The following SLC4A10 variants were observed in gnomAD, a reference collection of about 807,000 sequenced individuals.
SLC4A10 encodes the protein solute carrier family 4 member 10.
Under a neutral mutation model 137.7 loss-of-function variants are expected in SLC4A10, and 42 were observed. The observed-to-expected ratio is 0.30, with a 90% confidence interval of 0.24 to 0.39. The LOEUF (loss-of-function observed/expected upper bound fraction) is 0.39, where lower values mean the gene tolerates loss of function less well. Among genes scored for constraint, SLC4A10 ranks in the 10% least tolerant of loss-of-function variants. The pLI, the probability that SLC4A10 is intolerant of heterozygous loss-of-function variation, is 1.00. For missense variants in SLC4A10, 925 were observed against 1,355.0 expected, an observed-to-expected ratio of 0.68 and a Z score of 4.98; for synonymous variants, 474 against 464.1, an observed-to-expected ratio of 1.02 and a Z score of -0.27.
In SLC4A10 at chr2:161,696,486, T is replaced by G. The variant is rs1362481581; in HGVS notation, c.48+71920T>G. Reference sequence around the variant, plus strand: ...CCACCCCACAACAGTCCCCAGAGTGTGATGTTCCCCTTCCTGTGTCCATGT... The same window carrying G: ...CCACCCCACAACAGTCCCCAGAGTGGGATGTTCCCCTTCCTGTGTCCATGT... On this transcript the variant is annotated intron_variant, in intron 1 of 26. Coordinates refer to ENST00000446997, the MANE Select transcript of SLC4A10 (RefSeq NM_001178015.2). Among the ~76,000 whole-genome samples the G allele has an allele frequency of 8.3e-5, 9 of 108,586 alleles. No homozygotes were observed. In the South Asian group the frequency reaches 2.0e-3, roughly 25 times the overall value. The allele number at this position is 108,586 out of a possible 152,430, so 71.2% of individuals were successfully genotyped here.
chr2:161,669,908 A>G (rs971885868), intron 1 of SLC4A10, among the ~76,000 whole-genome samples: 1 of 152,088 alleles, frequency 6.6e-6, no homozygotes, highest in Non-Finnish European at 1.5e-5. Context: ...TTCTGCAAAG[A>G]CTAAAGAAAA....
chr2:161,978,333 G>C (rs1699708777), intron 26 of SLC4A10, among the ~76,000 whole-genome samples: 1 of 141,642 alleles, frequency 7.1e-6, no homozygotes, highest in Non-Finnish European at 1.5e-5. Context: ...GTTGCAGTGA[G>C]CTGAGATTGT....
chr2:161,861,710 A>G (rs971533744), intron 5 of SLC4A10, among the ~76,000 whole-genome samples: 1 of 152,212 alleles, frequency 6.6e-6, no homozygotes, highest in Non-Finnish European at 1.5e-5. Context: ...CAATATTCCA[A>G]TCAGTGCATC....
intron 1 of SLC4A10, among the ~76,000 whole-genome samples, chr2:161,733,949 C>T (rs918342540): frequency 6.6e-6 from 1 of 152,110 alleles, no homozygotes; most frequent in Admixed American, 6.6e-5. Context: ...CCTGGAAAAC[C>T]TTTGTTTTGG....
At chr2:161,901,615 A>G (rs1165018166) in intron 12 of SLC4A10, among the ~76,000 whole-genome samples, 1 of 152,104 alleles carries the variant, frequency 6.6e-6, no homozygotes, top group East Asian at 1.9e-4. Context: ...GAATATGTGT[A>G]TAGCCTCCAT....
chr2:161,974,159 A>G, intron 23 of SLC4A10, 90 bp from the exon 24 acceptor site: 1 of 1,067,758 alleles, frequency 9.4e-7, no homozygotes, highest in Non-Finnish European at 1.3e-6. Flanking sequence ...GAGGTTAATG[A>G]GATAATGAAA....
In SLC4A10 at chr2:161,918,061, T is replaced by A. The variant is rs376707254; in HGVS notation, c.1997+12174T>A. On this transcript the variant is annotated intron_variant, in intron 15 of 26. Transcript: ENST00000446997. ...CACTGGTTTGTACAAATTCATTTTA[T>A]GATTAATACTTAGATTATAGGAGAA... is the stretch of plus-strand genomic sequence containing the variant. Among the ~76,000 whole-genome samples the A allele has an allele frequency of 1.1e-4, 17 of 152,354 alleles. No individual in the cohort carries two copies. The East Asian group carries it at 2.9e-3, about 26-fold the overall frequency.
intron 15 of SLC4A10, among the ~76,000 whole-genome samples, chr2:161,918,288 T>A (rs1397713830): frequency 1.3e-5 from 2 of 152,068 alleles, no homozygotes; most frequent in African/African-American, 4.8e-5. Flanking sequence ...CCTGAGTACC[T>A]GAGATTATAG....
intron 23 of SLC4A10, among the ~76,000 whole-genome samples, chr2:161,971,130 T>C (rs1698448932): frequency 6.6e-6 from 1 of 152,250 alleles, no homozygotes; most frequent in Admixed American, 6.5e-5. Context: ...CCTAACAGAC[T>C]ACCTGCCATT....
At chr2:161,666,235 T>C (rs2039033529) in intron 1 of SLC4A10, among the ~76,000 whole-genome samples, 1 of 151,604 alleles carries the variant, frequency 6.6e-6, no homozygotes, top group African/African-American at 2.4e-5. Flanking sequence ...AATTAACCTG[T>C]AGTTTTCTCT....
chr2:161,698,707 G>T (rs1410291047), intron 1 of SLC4A10, among the ~76,000 whole-genome samples: 7 of 152,156 alleles, frequency 4.6e-5, no homozygotes, highest in South Asian at 2.1e-4. Flanking sequence ...GATTCTGTTT[G>T]CCAGTATTTT....
intron 5 of SLC4A10, 91 bp from the exon 6 acceptor site, chr2:161,862,783 T>G: frequency 2.1e-6 from 2 of 954,834 alleles, no homozygotes; most frequent in Non-Finnish European, 2.9e-6. Flanking sequence ...TAATATTGTT[T>G]AGGGCTTGCA....
intron 2 of SLC4A10, among the ~76,000 whole-genome samples, chr2:161,794,798 C>T (rs1052900826): frequency 2.6e-5 from 4 of 152,040 alleles, no homozygotes; most frequent in African/African-American, 9.7e-5. Flanking sequence ...AATTCTTTCC[C>T]TATGGCCAAT....
intron 13 of SLC4A10, among the ~76,000 whole-genome samples, chr2:161,904,449 C>T (rs1040033029): frequency 1.3e-5 from 2 of 152,264 alleles, no homozygotes; most frequent in South Asian, 2.1e-4. Context: ...GTTTAGTCTC[C>T]ATTCTTGTCT....
chr2:161,915,481 C>T (rs1292350858), intron 15 of SLC4A10, among the ~76,000 whole-genome samples: 1 of 152,148 alleles, frequency 6.6e-6, no homozygotes, highest in Non-Finnish European at 1.5e-5. Flanking sequence ...TCACACTGGC[C>T]CATTGCTCTC....
At chr2:161,951,637 T>C (rs1297338965) in intron 19 of SLC4A10, among the ~76,000 whole-genome samples, 1 of 152,170 alleles carries the variant, frequency 6.6e-6, no homozygotes, top group African/African-American at 2.4e-5. Context: ...AGTTGCCAGC[T>C]ATTTTCACAT....
At chr2:161,805,101 G>A (rs2055798479) in intron 3 of SLC4A10, among the ~76,000 whole-genome samples, 1 of 152,184 alleles carries the variant, frequency 6.6e-6, no homozygotes. Flanking sequence ...TGGAAGGCAA[G>A]GAGAAGCAAG....
At chr2:161,661,250 G>A (rs1243149409) in intron 1 of SLC4A10, among the ~76,000 whole-genome samples, 4 of 152,108 alleles carry the variant, frequency 2.6e-5, no homozygotes, top group Admixed American at 6.5e-5. Flanking sequence ...TGAGGTGGGC[G>A]AATCACAAGG....
At chr2:161,703,165 T>C (rs2043297226) in intron 1 of SLC4A10, among the ~76,000 whole-genome samples, 1 of 151,712 alleles carries the variant, frequency 6.6e-6, no homozygotes, top group African/African-American at 2.4e-5. Flanking sequence ...CTAGTAAGTT[T>C]ACTTATTGGG....
Sources: allele counts gnomAD v4.1 joint callset (sites outside exome capture counted in the v4.1 genomes callset), GRCh38; gene constraint gnomAD v4.1.1; transcripts MANE v1.5; gene names NCBI Gene and HGNC (gene_info 2026-07-23, HGNC 2026-07-21).